The following KIAA1217 variants were observed in gnomAD, a reference collection of about 807,000 sequenced individuals.
KIAA1217 encodes sickle tail protein homolog.
Under a neutral mutation model 163.9 loss-of-function variants are expected in KIAA1217, and 88 were observed. That is an observed-to-expected ratio of 0.54 (90% CI 0.45 to 0.64). The LOEUF (loss-of-function observed/expected upper bound fraction) is 0.64. Among genes scored for constraint, KIAA1217 ranks in the 30% least tolerant of loss-of-function variants. KIAA1217 has a pLI of 0.00. For missense variants in KIAA1217, 2,372 were observed against 2,475.0 expected (o/e 0.96, Z 0.88); for synonymous variants, 903 against 923.1 (o/e 0.98, Z 0.39).
At chr10:23,973,551 T>C (rs554848079) in intron 1 of KIAA1217, among the ~76,000 whole-genome samples, 10 of 152,332 alleles carry the variant, frequency 6.6e-5, no homozygotes, top group Admixed American at 1.3e-4. Context: ...ATGAAAAGCA[T>C]CATACATTAG....
chr10:24,170,568 T>C (rs1322489550), intron 2 of KIAA1217, among the ~76,000 whole-genome samples: 1 of 152,064 alleles, frequency 6.6e-6, no homozygotes, highest in Non-Finnish European at 1.5e-5. Flanking sequence ...AGTAAATAAG[T>C]CCAAAGTCAG....
Position 23,804,324 on chromosome 10 carries a change from T to C in KIAA1217, c.-321+109090T>C, listed in dbSNP as rs138304725. Among the ~76,000 whole-genome samples the C allele has an allele frequency of 1.8e-3, 270 of 152,342 alleles. 2 individuals carry two copies. Among genetic ancestry groups the C allele is most frequent in the African/African-American group, 6.0e-3 (251 of 41,586 alleles). On this transcript the variant is annotated intron_variant, in intron 1 of 18. Transcript: ENST00000376462. ...GCCAAGCCGTGAGTACATCTGTCTT[T>C]CTGAGCCCTTTGTCACTTAGCTTGC...
At chr10:23,939,717 G>A (rs1390513395) in intron 1 of KIAA1217, among the ~76,000 whole-genome samples, 1 of 151,276 alleles carries the variant, frequency 6.6e-6, no homozygotes, top group Non-Finnish European at 1.5e-5. Flanking sequence ...AGTAGACAGA[G>A]AATCATCAAG....
In KIAA1217 at chr10:24,231,238, G is replaced by C. The variant is rs2071367999; in HGVS notation, c.354+11329G>C. Among the ~76,000 whole-genome samples the C allele has an allele frequency of 4.6e-5, 7 of 152,318 alleles. No individual in the cohort carries two copies. The South Asian group carries it at 1.5e-3, about 32-fold the overall frequency. ...GAGCTGGGGGGATCATCCATGCCCAGAGGTCAAGGCTGCTGTGAGCTGAGC... is the reference window on the plus strand; with the variant it reads ...GAGCTGGGGGGATCATCCATGCCCACAGGTCAAGGCTGCTGTGAGCTGAGC... On this transcript the variant is annotated intron_variant, in intron 2 of 20. Transcript: ENST00000376454.
chr10:24,151,288 C>T (rs1249209177), intron 2 of KIAA1217, among the ~76,000 whole-genome samples: 3 of 151,810 alleles, frequency 2.0e-5, no homozygotes, highest in Non-Finnish European at 4.4e-5. Context: ...CATATTTTAT[C>T]TCATTGAATC....
intron 1 of KIAA1217, among the ~76,000 whole-genome samples, chr10:23,994,611 C>T (rs751972417): frequency 1.3e-5 from 2 of 152,168 alleles, no homozygotes; most frequent in Non-Finnish European, 2.9e-5. Context: ...GGGATTGACC[C>T]TAAGGTTGAT....
At chr10:24,105,799 G>T (rs906238915) in intron 2 of KIAA1217, among the ~76,000 whole-genome samples, 6 of 152,308 alleles carry the variant, frequency 3.9e-5, no homozygotes, top group African/African-American at 1.4e-4. Flanking sequence ...GGGGCTTTCG[G>T]CCTAGAATGG....
At chr10:24,097,728 G>A (rs1412904133) in intron 2 of KIAA1217, among the ~76,000 whole-genome samples, 1 of 152,220 alleles carries the variant, frequency 6.6e-6, no homozygotes, top group Non-Finnish European at 1.5e-5. Context: ...CTAAAAAACA[G>A]AAGTCATATT....
At chr10:24,494,305 G>A (rs1182013854) in intron 6 of KIAA1217, among the ~76,000 whole-genome samples, 195 bp from the exon 7 acceptor site, 1 of 152,154 alleles carries the variant, frequency 6.6e-6, no homozygotes. Context: ...CAGGTCACTG[G>A]CTTGATACTG....
intron 2 of KIAA1217, among the ~76,000 whole-genome samples, chr10:24,059,978 A>G (rs1041634149): frequency 2.0e-5 from 3 of 152,158 alleles, no homozygotes; most frequent in Admixed American, 6.5e-5. Flanking sequence ...AGTCTCTTAC[A>G]ATCTATTCAT....
intron 2 of KIAA1217, among the ~76,000 whole-genome samples, chr10:24,319,311 G>A (rs955843454): frequency 2.0e-5 from 3 of 147,296 alleles, no homozygotes; most frequent in Non-Finnish European, 4.4e-5. Flanking sequence ...AGGAGGCAGA[G>A]GTTGCAGTGA....
chr10:24,150,220 T>C (rs568747515), intron 2 of KIAA1217, among the ~76,000 whole-genome samples: 2 of 152,260 alleles, frequency 1.3e-5, no homozygotes, highest in South Asian at 2.1e-4. Flanking sequence ...TTTCACCATG[T>C]TGGCCAGGCT....
chr10:23,975,668 T>C (rs1339378982), intron 1 of KIAA1217, among the ~76,000 whole-genome samples: 1 of 152,144 alleles, frequency 6.6e-6, no homozygotes, highest in Non-Finnish European at 1.5e-5. Context: ...AAGTATTCCA[T>C]GCTAACTTTG....
At chr10:24,168,954 G>A (rs1473008220) in intron 2 of KIAA1217, among the ~76,000 whole-genome samples, 2 of 152,186 alleles carry the variant, frequency 1.3e-5, no homozygotes, top group African/African-American at 2.4e-5. Flanking sequence ...CCAAGCACAC[G>A]ATCTAGGTGC....
At chr10:24,275,550 G>A (rs2077190230) in intron 2 of KIAA1217, 1 of 427,810 alleles carries the variant, frequency 2.3e-6, no homozygotes, top group African/African-American at 2.0e-5. Flanking sequence ...TAATTTGAGG[G>A]TCACAAACAG....
At chr10:24,354,746 CTCTGCTCTTCTGCTCCTCTGCTCT>C (rs2048871027) in intron 2 of KIAA1217, among the ~76,000 whole-genome samples, 2 of 148,782 alleles carry the variant, frequency 1.3e-5, no homozygotes, top group Admixed American at 1.3e-4. Context: ...TCCTCTGCTC[CTCTGCTCTTCTGCTCCTCTGCTCT>C]TCTGCTCATG....
upstream of KIAA1217, among the ~76,000 whole-genome samples, chr10:24,206,286 G>A (rs1158794235): frequency 6.6e-6 from 1 of 152,200 alleles, no homozygotes; most frequent in Non-Finnish European, 1.5e-5. Context: ...CAATGTAATA[G>A]CAATTTTTAA....
intron 1 of KIAA1217, among the ~76,000 whole-genome samples, chr10:24,000,899 GCAT>G (rs1170509232): frequency 6.6e-6 from 1 of 152,220 alleles, no homozygotes; most frequent in Admixed American, 6.5e-5. Context: ...AAAAGAAACA[GCAT>G]TCTGGAAATT....
intron 2 of KIAA1217, among the ~76,000 whole-genome samples, chr10:24,252,051 AG>A (rs756730628): frequency 2.0e-5 from 3 of 151,952 alleles, no homozygotes; most frequent in Non-Finnish European, 4.4e-5. Context: ...GTTTCTATCT[AG>A]TCAATGTCTT....
Sources: allele counts gnomAD v4.1 joint callset (sites outside exome capture counted in the v4.1 genomes callset), GRCh38; gene constraint gnomAD v4.1.1; transcripts MANE v1.5; gene names NCBI Gene and HGNC (gene_info 2026-07-23, HGNC 2026-07-21).